ITGA9: variants seen among roughly 807,000 people sequenced by gnomAD.
ITGA9 encodes integrin subunit alpha 9.
Under a neutral mutation model 127.8 loss-of-function variants are expected in ITGA9, and 56 were observed. The observed-to-expected ratio is 0.44, with a 90% confidence interval of 0.35 to 0.55. The LOEUF is 0.55. Ranked by LOEUF, ITGA9 falls within the 20% of genes least tolerant of loss-of-function variation. The pLI is 0.00. For synonymous variants in ITGA9, 508 were observed against 514.5 expected (o/e 0.99, Z 0.17); for missense variants, 1,196 against 1,347.1 (o/e 0.89, Z 1.76).
chr3:37,521,724 C>A (rs1559527275), intron 11 of ITGA9, among the ~76,000 whole-genome samples: 1 of 152,342 alleles, frequency 6.6e-6, no homozygotes, highest in East Asian at 1.9e-4. Context: ...AAATGTAGAT[C>A]CAGGGGCAGG....
intron 23 of ITGA9, among the ~76,000 whole-genome samples, chr3:37,755,436 A>G (rs1892809): frequency 0.38 from 58,166 of 151,938 alleles, 12,162 homozygotes; most frequent in African/African-American, 0.55. Context: ...AGCAACCGCA[A>G]TCAAAAGAAC....
At chr3:37,688,997 G>A (rs914667178) in intron 18 of ITGA9, among the ~76,000 whole-genome samples, 3 of 150,856 alleles carry the variant, frequency 2.0e-5, no homozygotes, top group African/African-American at 7.3e-5. Flanking sequence ...TGGGTGGATG[G>A]GTGTGTGAGT....
At chr3:37,657,478 A>G (rs1486844103) in intron 17 of ITGA9, among the ~76,000 whole-genome samples, 1 of 152,090 alleles carries the variant, frequency 6.6e-6, no homozygotes, top group African/African-American at 2.4e-5. Context: ...TTATTTGCAT[A>G]GAAGTGTTTA....
At chr3:37,500,195 C>T (rs1034741404) in intron 5 of ITGA9, among the ~76,000 whole-genome samples, 7 of 152,190 alleles carry the variant, frequency 4.6e-5, no homozygotes, top group African/African-American at 7.2e-5. Flanking sequence ...CTAGAACTAG[C>T]GTGGTCTCTT....
intron 1 of ITGA9, among the ~76,000 whole-genome samples, chr3:37,456,618 C>G (rs1019470888): frequency 6.6e-6 from 1 of 152,166 alleles, no homozygotes; most frequent in African/African-American, 2.4e-5. Flanking sequence ...GCTTCCTGCT[C>G]CCTCTCCTGG....
chr3:37,790,864 G>A (rs1697100644), intron 26 of ITGA9: 1 of 152,346 alleles, frequency 6.6e-6, no homozygotes, highest in Non-Finnish European at 1.5e-5. Flanking sequence ...TGATGAGTAG[G>A]GGGCGAGAGG....
chr3:37,804,055 A>G, intron 27 of ITGA9, 113 bp downstream of exon 27: 2 of 1,424,784 alleles, frequency 1.4e-6, no homozygotes, highest in Non-Finnish European at 2.0e-6. Context: ...TGGCACCGGT[A>G]CAGTGAAGGA....
chr3:37,552,739 G>T (rs921953545), intron 15 of ITGA9, among the ~76,000 whole-genome samples: 2 of 152,168 alleles, frequency 1.3e-5, no homozygotes, highest in Non-Finnish European at 2.9e-5. Flanking sequence ...TTTGGGCCAG[G>T]TGTGGTGGCT....
chr3:37,557,742 A>G (rs993649969), intron 15 of ITGA9, among the ~76,000 whole-genome samples: 1 of 152,240 alleles, frequency 6.6e-6, no homozygotes, highest in Non-Finnish European at 1.5e-5. Context: ...CTTATAAAGA[A>G]TACAATTACA....
chr3:37,747,859 G>T (rs1020060119), intron 22 of ITGA9, among the ~76,000 whole-genome samples: 1 of 152,040 alleles, frequency 6.6e-6, no homozygotes. Flanking sequence ...CTCCTGAGTA[G>T]CTGGGACTAG....
intron 18 of ITGA9, among the ~76,000 whole-genome samples, chr3:37,711,328 A>G (rs551318835): frequency 3.3e-5 from 5 of 152,340 alleles, no homozygotes; most frequent in East Asian, 1.9e-4. Context: ...ACTTTCCCCA[A>G]TGAAACCATC....
chr3:37,525,618 T>C (rs1699085604), intron 12 of ITGA9, among the ~76,000 whole-genome samples: 2 of 152,244 alleles, frequency 1.3e-5, no homozygotes, highest in Non-Finnish European at 2.9e-5. Context: ...AATATTCCTG[T>C]AATTACATAA....
At chr3:37,551,327 A>G (rs925633257) in intron 15 of ITGA9, among the ~76,000 whole-genome samples, 5 of 152,172 alleles carry the variant, frequency 3.3e-5, no homozygotes, top group African/African-American at 1.2e-4. Context: ...TGTACTCTGA[A>G]GACGCATGAA....
chr3:37,616,526 C>G (rs1448966273), intron 15 of ITGA9, among the ~76,000 whole-genome samples: 1 of 152,100 alleles, frequency 6.6e-6, no homozygotes, highest in Non-Finnish European at 1.5e-5. Context: ...TCTTTGTTAA[C>G]TTTCTGTCTC....
At chr3:37,805,476 C>G (rs981776605) in intron 27 of ITGA9, among the ~76,000 whole-genome samples, 3 of 152,154 alleles carry the variant, frequency 2.0e-5, no homozygotes, top group Non-Finnish European at 1.5e-5. Flanking sequence ...TGTCTGCAGT[C>G]TACTCATCCA....
intron 10 of ITGA9, among the ~76,000 whole-genome samples, chr3:37,518,932 G>T (rs545485206): frequency 1.3e-5 from 2 of 151,608 alleles, no homozygotes. Flanking sequence ...CAACAGGTGC[G>T]TGCCACCACA....
intron 11 of ITGA9, 129 bp downstream of exon 11, chr3:37,519,483 C>A: frequency 1.3e-6 from 1 of 748,114 alleles, no homozygotes; most frequent in South Asian, 1.5e-5. Context: ...CCTTCCTACC[C>A]TTTTGTGAAA....
At chr3:37,698,703 G>A (rs1322610477) in intron 18 of ITGA9, among the ~76,000 whole-genome samples, 1 of 152,138 alleles carries the variant, frequency 6.6e-6, no homozygotes, top group Non-Finnish European at 1.5e-5. Flanking sequence ...GCTAGTGAGT[G>A]TAGGTGCTGG....
At chr3:37,795,426 A>C (rs1322585817) in intron 26 of ITGA9, among the ~76,000 whole-genome samples, 2 of 152,194 alleles carry the variant, frequency 1.3e-5, no homozygotes, top group Admixed American at 1.3e-4. Flanking sequence ...GTTTAGGTTC[A>C]CCCACTGCCT....
Sources: allele counts gnomAD v4.1 joint callset (sites outside exome capture counted in the v4.1 genomes callset), GRCh38; gene constraint gnomAD v4.1.1; transcripts MANE v1.5; gene names NCBI Gene and HGNC (gene_info 2026-07-23, HGNC 2026-07-21).